The following WASF3 variants were observed in gnomAD, a reference collection of about 807,000 sequenced individuals.
The protein encoded by WASF3 is WASP family member 3, also known as actin-binding protein WASF3.
In WASF3, 11 loss-of-function variants were observed where a neutral mutation model predicts 46.6. The observed-to-expected ratio is 0.24, with a 90% CI of 0.15 to 0.39. WASF3 has a LOEUF of 0.39. Ranked by LOEUF, WASF3 falls within the 10% of genes least tolerant of loss-of-function variation. WASF3 has a pLI of 1.00. For missense variants in WASF3, 576 were observed against 669.8 expected (o/e 0.86, Z 1.55); for synonymous variants, 242 against 259.7 (o/e 0.93, Z 0.65).
Position 26,560,046 on chromosome 13 carries a change from G to C in WASF3, c.-109+2227G>C, listed in dbSNP as rs534501530. ...TTGGACAGATTGGTCTCGAACTCCT[G>C]ACCTCAGGTTGATCCGCCCACCTCG... On this transcript the variant is annotated intron_variant, in intron 1 of 9. Coordinates refer to ENST00000335327, the MANE Select transcript of WASF3 (RefSeq NM_006646.6). Among the ~76,000 whole-genome samples, 4 of 151,996 alleles carry C rather than the reference G, an allele frequency of 2.6e-5. No individual in the cohort carries two copies. The South Asian group carries it at 8.3e-4, about 32-fold the overall frequency.
intron 1 of WASF3, among the ~76,000 whole-genome samples, chr13:26,594,473 A>G (rs1352347855): frequency 6.6e-6 from 1 of 152,164 alleles, no homozygotes; most frequent in Non-Finnish European, 1.5e-5. Flanking sequence ...CTTGATCCTC[A>G]GCTAACTTGT....
At chr13:26,617,903 T>C (rs1277071554) in intron 2 of WASF3, among the ~76,000 whole-genome samples, 1 of 152,126 alleles carries the variant, frequency 6.6e-6, no homozygotes, top group Non-Finnish European at 1.5e-5. Context: ...TGTTTGGTAG[T>C]TCCTCCTGCA....
At chr13:26,661,723 A>G (rs537457020) in intron 3 of WASF3, among the ~76,000 whole-genome samples, 2 of 152,206 alleles carry the variant, frequency 1.3e-5, no homozygotes, top group South Asian at 4.1e-4. Context: ...ATTCTCACCA[A>G]CAGCGCACAG....
At position 26,682,455 on chromosome 13, in the gene WASF3, C is replaced by A; in HGVS notation, c.984-152C>A. On this transcript the variant is annotated intron_variant, in intron 8 of 9. Transcript: ENST00000335327. This position sits in a 1 kb window ranked among gnomAD's most constrained non-coding sequence, Gnocchi z 4.4. ...AATGTCAAACTGTGAAAATAACTGA[C>A]CCAAGGTGTGCATGTTTGCATCCTG... is the stretch of plus-strand genomic sequence containing the variant. 1 of 860,612 alleles carries A rather than the reference C, an allele frequency of 1.2e-6. No individual in the cohort carries two copies. Among genetic ancestry groups the A allele is most frequent in the Non-Finnish European group, 1.9e-6 (1 of 539,966 alleles). 53.3% of individuals were successfully genotyped at this position (860,612 alleles called of 1,614,324 possible).
chr13:26,681,865 T>C (rs1271545848), intron 8 of WASF3, among the ~76,000 whole-genome samples: 1 of 151,940 alleles, frequency 6.6e-6, no homozygotes. Context: ...CCCACCTCTC[T>C]TTTTTTTGGC....
At chr13:26,544,745 G>C in the WASF3 span, among the ~76,000 whole-genome samples, 3 of 152,204 alleles carry the variant, frequency 2.0e-5, no homozygotes, top group Non-Finnish European at 4.4e-5. Context: ...GCTACCATGA[G>C]GACTGCAGGA....
intron 1 of WASF3, among the ~76,000 whole-genome samples, chr13:26,579,052 G>T: frequency 8.5e-6 from 1 of 117,614 alleles, no homozygotes; most frequent in Non-Finnish European, 1.7e-5. Context: ...ACAGGCTGGA[G>T]AGCAGTGGTG....
chr13:26,665,058 T>A lies in WASF3; in HGVS notation c.164T>A (p.Leu55Ter), dbSNP rs1465164494. The change falls in exon 4 of 10, where the codon TTG becomes TAG. Residue 55 changes from leucine (L) to a stop codon, truncating the protein, a stop_gained. Transcript: ENST00000335327. LOFTEE classifies it high-confidence loss of function. ...CATGCTGAAGACATATTTGGTGAGT[T>A]GTTTAATGAGGCTAACAACTTCTAC... Reference protein sequence around the residue: ...SKHAEDIFGELFNEANNFYIR... With the variant: ...SKHAEDIFGE 1 of 1,614,184 alleles carries A rather than the reference T, an allele frequency of 6.2e-7. No individual in the cohort carries two copies.
At chr13:26,595,847 G>A (rs1172494285) in intron 1 of WASF3, among the ~76,000 whole-genome samples, 3 of 152,176 alleles carry the variant, frequency 2.0e-5, no homozygotes, top group Admixed American at 6.5e-5. Context: ...GTATTGCTGA[G>A]CAGTTTACAA....
intron 1 of WASF3, among the ~76,000 whole-genome samples, chr13:26,558,558 TCA>T (rs1326547774): frequency 6.6e-6 from 1 of 151,748 alleles, no homozygotes; most frequent in Non-Finnish European, 1.5e-5. Context: ...AAGCTTCCTC[TCA>T]GTTTGTGGTG....
At chr13:26,672,305 C>A (rs1159491936) in intron 6 of WASF3, among the ~76,000 whole-genome samples, 1 of 152,212 alleles carries the variant, frequency 6.6e-6, no homozygotes, top group African/African-American at 2.4e-5. Context: ...ATATCAGATA[C>A]AATGATCATG....
chr13:26,674,981 A>G lies in WASF3; in HGVS notation c.541-1568A>G, dbSNP rs76042419. Among the ~76,000 whole-genome samples the G allele has an allele frequency of 6.2e-3, 943 of 152,242 alleles. 13 individuals are homozygous for G. The highest frequency in any genetic ancestry group is 0.022 in the African/African-American group (901 of 41,534). ...CATTTCTTTATCTTCTGTGAATTTCATGTTCACATCCTCTGTGGATCCATG... is the reference window on the plus strand; with the variant it reads ...CATTTCTTTATCTTCTGTGAATTTCGTGTTCACATCCTCTGTGGATCCATG... On this transcript the variant is annotated intron_variant, in intron 6 of 9. Coordinates refer to ENST00000335327, the MANE Select transcript of WASF3 (RefSeq NM_006646.6).
chr13:26,559,974 T>G (rs955365146), intron 1 of WASF3, among the ~76,000 whole-genome samples: 1 of 151,558 alleles, frequency 6.6e-6, no homozygotes, highest in African/African-American at 2.4e-5. Flanking sequence ...CCCGCCACCA[T>G]GCCCGGCTAA....
chr13:26,584,509 GAGTTCT>G (rs1287634735), intron 1 of WASF3, among the ~76,000 whole-genome samples: 1 of 152,202 alleles, frequency 6.6e-6, no homozygotes, highest in Non-Finnish European at 1.5e-5. Flanking sequence ...ACTTTATTGA[GAGTTCT>G]GGTCGTTAAC....
chr13:26,681,090 G>A lies in WASF3; in HGVS notation c.753G>A (p.Pro251=), dbSNP rs750806854. The A allele has an allele frequency of 9.9e-6, 16 of 1,613,808 alleles. No individual in the cohort carries two copies. Among genetic ancestry groups the A allele is most frequent in the African/African-American group, 1.3e-5 (1 of 74,852 alleles). The change falls in exon 8 of 10, where the codon CCG becomes CCA. Residue 251 remains proline (P), a synonymous_variant. Coordinates refer to ENST00000335327, the MANE Select transcript of WASF3 (RefSeq NM_006646.6). ...CGGACGTTACGGATTACTCTTACCC[G>A]GCTACTCCCAACCATTCTCTGCACC... The part of the protein sequence containing the change: ...HASDVTDYSY[P]ATPNHSLHPQ...
intron 1 of WASF3, among the ~76,000 whole-genome samples, chr13:26,564,878 A>G (rs1197233131): frequency 6.9e-6 from 1 of 145,214 alleles, no homozygotes; most frequent in East Asian, 2.0e-4. Context: ...ACTTCTCAAA[A>G]TATGTACATG....
intron 1 of WASF3, among the ~76,000 whole-genome samples, chr13:26,595,589 G>T (rs536900417): frequency 6.6e-6 from 1 of 152,034 alleles, no homozygotes; most frequent in South Asian, 2.1e-4. Context: ...TCGTATAACC[G>T]CTGCCACCTT....
chr13:26,607,886 T>C (rs1209951716), intron 1 of WASF3, among the ~76,000 whole-genome samples: 2 of 152,148 alleles, frequency 1.3e-5, no homozygotes, highest in African/African-American at 2.4e-5. Flanking sequence ...TAATCCTACC[T>C]AGGCCTCTCA....
At chr13:26,678,385 G>A (rs769960223) in intron 7 of WASF3, among the ~76,000 whole-genome samples, 25 of 152,012 alleles carry the variant, frequency 1.6e-4, no homozygotes, top group East Asian at 3.8e-4. Context: ...CAGAGAAACC[G>A]TTGTATGCAT....
Sources: allele counts gnomAD v4.1 joint callset (sites outside exome capture counted in the v4.1 genomes callset), GRCh38; gene constraint gnomAD v4.1.1; non-coding constraint Gnocchi (gnomAD v3.1); transcripts MANE v1.5; gene names NCBI Gene and HGNC (gene_info 2026-07-23, HGNC 2026-07-21).